CDHR4: variants seen among roughly 807,000 people sequenced by gnomAD.
CDHR4 encodes the protein cadherin-related family member 4.
In CDHR4, 89 loss-of-function variants were observed where a neutral mutation model predicts 88.4. That is an observed-to-expected ratio of 1.01 (90% CI 0.85 to 1.20). The LOEUF is 1.20. Ranked by LOEUF, CDHR4 falls within the 50% of genes most tolerant of loss-of-function variation. The pLI is 0.00. For synonymous variants in CDHR4, 368 were observed against 399.2 expected (o/e 0.92, Z 0.93); for missense variants, 914 against 1,007.2 (o/e 0.91, Z 1.25).
upstream of CDHR4, among the ~76,000 whole-genome samples, chr3:49,802,181 C>CTT (rs35680489): frequency 2.6e-3 from 388 of 149,098 alleles, 1 homozygote; most frequent in Middle Eastern, 0.014. Flanking sequence ...TTCTTCCTTT[C>CTT]TTTTTTTTTT....
chr3:49,798,777 A>G, intron 4 of CDHR4, 49 bp downstream of exon 4: 1 of 1,567,314 alleles, frequency 6.4e-7, no homozygotes, highest in Non-Finnish European at 8.7e-7. Context: ...TATTCTCTCC[A>G]TCCCCCCACC....
intron 5 of CDHR4, 132 bp from the exon 6 acceptor site, chr3:49,796,178 A>G (rs2081268844): frequency 1.7e-6 from 1 of 598,188 alleles, no homozygotes. Context: ...ACTCTTCCCC[A>G]TGATCCCCAT....
Position 49,795,678 on chromosome 3 carries a change from C to T in CDHR4, c.797G>A (p.Arg266His), listed in dbSNP as rs1171020816. 13 of 1,551,548 alleles carry T rather than the reference C, an allele frequency of 8.4e-6. No individual in the cohort carries two copies. Among genetic ancestry groups the T allele is most frequent in the Admixed American group, 2.0e-5 (1 of 50,980 alleles). Reference protein sequence around the residue: ...VQVQARGVDLRYEILSPVPSP... With the variant: ...VQVQARGVDLHYEILSPVPSP... ...GGGCACCGGAGACAGGATTTCATAG[C>T]GCAGGTCGACACCCCGGGCCTGGAC... Residue 266 changes from arginine (R) to histidine (H), a missense_variant, in exon 7 of 19, where the codon CGC becomes CAC. By Grantham distance (29) the Arg-to-His change is conservative. Transcript: ENST00000412678. The surrounding 1 kb of genome is among the most constrained non-coding windows in gnomAD (Gnocchi z 5.4).
chr3:49,799,383 G>A lies in CDHR4; in HGVS notation c.104C>T (p.Thr35Ile), dbSNP rs763666592. 28 of 1,611,196 alleles carry A rather than the reference G, an allele frequency of 1.7e-5. No individual in the cohort carries two copies. Among genetic ancestry groups the A allele is most frequent in the Non-Finnish European group, 2.0e-5 (23 of 1,178,864 alleles). ...GTTGAAGGATAAAAACTGAAGGACT[G>A]TGCCAGGGCCCTGGCTCTCAGAGAC... ...INVSESQGPG[T>I]VLQFLSFNCS... is the part of the protein sequence containing the mutation. Residue 35 changes from threonine (T) to isoleucine (I), a missense_variant, in exon 2 of 19, where the codon ACA becomes ATA. Physicochemically the swap from Thr to Ile is moderately conservative, Grantham distance 89. Transcript: ENST00000412678.
At chr3:49,801,916 G>C (rs2081366123), upstream of CDHR4, among the ~76,000 whole-genome samples, 1 of 152,122 alleles carries the variant, frequency 6.6e-6, no homozygotes, top group Non-Finnish European at 1.5e-5. Flanking sequence ...GGTCATTCCT[G>C]CTCAAAGGCC....
chr3:49,799,562 C>T, intron 1 of CDHR4, 125 bp from the exon 2 acceptor site: 2 of 1,177,446 alleles, frequency 1.7e-6, no homozygotes. Flanking sequence ...AAGGCCTTTC[C>T]TTGTATCCAG....
Position 49,793,020 on chromosome 3 carries a change from A to C in CDHR4, c.1829T>G (p.Leu610Arg). Residue 610 changes from leucine (L) to arginine (R), a missense_variant, in exon 14 of 19, where the codon CTT (leucine) becomes CGT (arginine). Leu to Arg is a moderately radical substitution (Grantham distance 102). Transcript: ENST00000412678. Reference sequence around the variant, plus strand: ...CTCTGGCCAGAACGGCCCCAACACAAGGTCACTGTGCACCAGGATGGCCCC... The same window carrying C: ...CTCTGGCCAGAACGGCCCCAACACACGGTCACTGTGCACCAGGATGGCCCC... ...LQGAILVHSD[L>R]VLGPFWPEQP... The C allele has an allele frequency of 6.4e-7, 1 of 1,551,654 alleles. No individual in the cohort carries two copies. The highest frequency in any genetic ancestry group is 8.7e-7 in the Non-Finnish European group (1 of 1,146,994).
upstream of CDHR4, among the ~76,000 whole-genome samples, chr3:49,801,051 C>CAA (rs59712683): frequency 3.6e-5 from 5 of 140,712 alleles, no homozygotes; most frequent in Non-Finnish European, 7.8e-5. Context: ...GGCCCTGTCT[C>CAA]AAAAAAAAAA....
At position 49,795,196 on chromosome 3, in the gene CDHR4, A is replaced by G; in HGVS notation, c.1031T>C (p.Val344Ala). ...WPPRCLPALL[V>A]SQIPETAPVG... Reference sequence around the variant, plus strand: ...CCAAGTATGGTTCCCGGGTACTCACACCAGAAGCGCTGGGAGGCAGCGTGG... The same window carrying G: ...CCAAGTATGGTTCCCGGGTACTCACGCCAGAAGCGCTGGGAGGCAGCGTGG... The change falls in exon 8 of 19, where the codon GTG (valine) becomes GCG (alanine). Residue 344 changes from valine (V) to alanine (A), a missense_variant and splice_region_variant. Coordinates refer to ENST00000412678, the MANE Select transcript of CDHR4 (RefSeq NM_001007540.4). This position sits in a 1 kb window ranked among gnomAD's most constrained non-coding sequence, Gnocchi z 5.4. 6.4e-7 allele frequency: 1 copy of G among 1,551,638 alleles called. No individual in the cohort carries two copies. Among genetic ancestry groups the G allele is most frequent in the East Asian group, 2.4e-5 (1 of 40,928 alleles).
rs1051206817 is a variant in CDHR4 at position 49,792,500 on chromosome 3, G to A, written c.2106C>T (p.Ala702=). 1.9e-6 allele frequency: 3 copies of A among 1,551,554 alleles called. No individual in the cohort carries two copies. In the African/African-American group the frequency reaches 4.1e-5, roughly 21 times the overall value. The change falls in exon 15 of 19, where the codon GCC becomes GCT. Residue 702 remains alanine, a synonymous_variant. Transcript: ENST00000412678. ...GGAGCCTGCCAAGAAGCCAGCCTAG[G>A]GCCAAGAGGAGAAGAGCACCAGTTG... ...LTATGALLLL[A]LGWLLGRLLQ...
upstream of CDHR4, among the ~76,000 whole-genome samples, chr3:49,802,211 T>TC (rs2108294613): frequency 6.6e-6 from 1 of 151,974 alleles, no homozygotes; most frequent in South Asian, 2.1e-4. Context: ...TCTCACTCTG[T>TC]CGCCCAGGCT....
intron 4 of CDHR4, 118 bp downstream of exon 4, chr3:49,798,708 T>C (rs1283140080): frequency 1.9e-5 from 17 of 910,960 alleles, no homozygotes; most frequent in South Asian, 8.2e-5. Flanking sequence ...TAGAGGCTCA[T>C]CTATGCCTCT....
intron 10 of CDHR4, among the ~76,000 whole-genome samples, chr3:49,794,254 C>T (rs760597234): frequency 3.9e-5 from 6 of 152,054 alleles, no homozygotes; most frequent in Non-Finnish European, 5.9e-5. Flanking sequence ...AAAAATTAGC[C>T]GGGCGTGGTG....
intron 12 of CDHR4, 71 bp from the exon 13 acceptor site, chr3:49,793,382 C>G (rs1486119590): frequency 6.6e-7 from 1 of 1,511,952 alleles, no homozygotes; most frequent in African/African-American, 1.4e-5. Context: ...CCCTCAACTT[C>G]TTCTCACCAC....
chr3:49,794,463 A>G, intron 10 of CDHR4, 145 bp downstream of exon 10: 1 of 653,002 alleles, frequency 1.5e-6, no homozygotes, highest in East Asian at 2.8e-5. Flanking sequence ...CTGGGGGTCT[A>G]AGAGATATAT....
At chr3:49,802,454 C>T (rs557008128), upstream of CDHR4, among the ~76,000 whole-genome samples, 1 of 152,320 alleles carries the variant, frequency 6.6e-6, no homozygotes, top group East Asian at 1.9e-4. Flanking sequence ...GGATTACAGG[C>T]GTGAGCCACC....
chr3:49,802,686 C>G (rs1231168377), upstream of CDHR4, among the ~76,000 whole-genome samples: 2 of 152,230 alleles, frequency 1.3e-5, no homozygotes, highest in Non-Finnish European at 1.5e-5. Flanking sequence ...AAGGGAATGC[C>G]GACGGTCGCG....
Position 49,799,242 on chromosome 3 carries a change from C to G in CDHR4, c.240+5G>C. ...CACAGTCCCCAGCTGTACACATGAC[C>G]CTACCTTGCCCACATAGGTCCCTTG... On this transcript the variant is annotated splice_donor_5th_base_variant and intron_variant, in intron 2 of 18. Transcript: ENST00000412678. 5 of 1,613,250 alleles carry G rather than the reference C, an allele frequency of 3.1e-6. No homozygotes were observed. Among genetic ancestry groups the G allele is most frequent in the Non-Finnish European group, 3.4e-6 (4 of 1,179,448 alleles).
chr3:49,791,439 AC>A lies in CDHR4; in HGVS notation c.2311+1del. ...GAATAGCTTAGGAAGAGGGGGACTCACGGGAGTCCTGTGCTCTGCCATCAAA... is the reference window on the plus strand; with the variant it reads ...GAATAGCTTAGGAAGAGGGGGACTCAGGGAGTCCTGTGCTCTGCCATCAAA... On this transcript the variant is annotated splice_donor_variant, in intron 18 of 18. Coordinates refer to ENST00000412678, the MANE Select transcript of CDHR4 (RefSeq NM_001007540.4). LOFTEE classifies it high-confidence loss of function. The A allele has an allele frequency of 6.5e-7, 1 of 1,544,700 alleles. No individual in the cohort carries two copies. Among genetic ancestry groups the A allele is most frequent in the Non-Finnish European group, 8.7e-7 (1 of 1,144,964 alleles).
Sources: allele counts gnomAD v4.1 joint callset (sites outside exome capture counted in the v4.1 genomes callset), GRCh38; gene constraint gnomAD v4.1.1; non-coding constraint Gnocchi (gnomAD v3.1); transcripts MANE v1.5; gene names NCBI Gene and HGNC (gene_info 2026-07-23, HGNC 2026-07-21).